SLC1A7: variants seen among roughly 807,000 people sequenced by gnomAD.
The protein encoded by SLC1A7 is solute carrier family 1 member 7.
A neutral mutation model predicts 47.7 loss-of-function variants in SLC1A7; 40 were observed. The observed-to-expected ratio is 0.84, with a 90% confidence interval of 0.65 to 1.09. SLC1A7 has a LOEUF of 1.09. Among genes scored for constraint, SLC1A7 ranks in the 50% least tolerant of loss-of-function variants. SLC1A7 has a pLI of 0.00. For synonymous variants in SLC1A7, 323 were observed against 325.6 expected (o/e 0.99, Z 0.09); for missense variants, 746 against 769.5 (o/e 0.97, Z 0.36).
chr1:53,116,984 G>A (rs1644769432), intron 2 of SLC1A7, among the ~76,000 whole-genome samples: 1 of 152,224 alleles, frequency 6.6e-6, no homozygotes, highest in Non-Finnish European at 1.5e-5. Flanking sequence ...GCACTCAAAT[G>A]GCCCCTGGAC....
Position 53,087,907 on chromosome 1 carries a change from T to A in SLC1A7, c.*102A>T. On this transcript the variant is annotated 3_prime_UTR_variant, in exon 11 of 11. Coordinates refer to ENST00000371494, the MANE Select transcript of SLC1A7 (RefSeq NM_006671.6). The stretch of plus-strand genomic sequence containing the variant: ...GCCTCTCAAGGGTGAGAAGAATGTG[T>A]GATCCTGGCCCCTGCCGGCTGCTCA... 1.7e-6 allele frequency: 1 copy of A among 575,334 alleles called. No homozygotes were observed. Among genetic ancestry groups the A allele is most frequent in the East Asian group, 3.2e-5 (1 of 30,844 alleles). The allele number at this position is 575,334 out of a possible 1,614,324, so 35.6% of individuals were successfully genotyped here. A position where few individuals can be genotyped will look rare whatever the true frequency, so the allele number is the denominator to read the frequency against.
In SLC1A7 at chr1:53,088,126, G is replaced by A. The variant is rs1268452014; in HGVS notation, c.1566C>T (p.Thr522=). ...VKSVAEASEL[T]LGPTCPHHVP... ...CGTGGTGGGGGCAGGTGGGGCCCAGGGTGAGCTCGGAGGCCTCGGCTACAC... is the reference window on the plus strand; with the variant it reads ...CGTGGTGGGGGCAGGTGGGGCCCAGAGTGAGCTCGGAGGCCTCGGCTACAC... Residue 522 remains threonine (T), a synonymous_variant, in exon 11 of 11, where the codon ACC becomes ACT. Transcript: ENST00000371494. 4.3e-6 allele frequency: 7 copies of A among 1,613,110 alleles called. No homozygotes were observed. Among genetic ancestry groups the A allele is most frequent in the African/African-American group, 1.3e-5 (1 of 74,916 alleles).
At chr1:53,109,452 G>C (rs1165379772) in intron 3 of SLC1A7, among the ~76,000 whole-genome samples, 1 of 152,174 alleles carries the variant, frequency 6.6e-6, no homozygotes, top group African/African-American at 2.4e-5. Context: ...GCGGCCCCCC[G>C]GAGCCCTGGA....
At chr1:53,115,445 C>T (rs1364278201) in intron 2 of SLC1A7, 4 of 179,918 alleles carry the variant, frequency 2.2e-5, no homozygotes, top group African/African-American at 4.7e-5. Context: ...TTCTAGGACC[C>T]CCACAGCCCC....
At chr1:53,135,855 T>C (rs1473686434) in intron 1 of SLC1A7, among the ~76,000 whole-genome samples, 1 of 151,892 alleles carries the variant, frequency 6.6e-6, no homozygotes, top group Non-Finnish European at 1.5e-5. Context: ...TCAAACATCA[T>C]CCAAGTTGAA....
intron 5 of SLC1A7, among the ~76,000 whole-genome samples, chr1:53,098,425 C>G (rs556877146): frequency 6.7e-6 from 1 of 149,050 alleles, no homozygotes; most frequent in Non-Finnish European, 1.5e-5. Context: ...ACACTCACAC[C>G]GCCTCAGTAC....
intron 3 of SLC1A7, among the ~76,000 whole-genome samples, chr1:53,109,859 G>T (rs1259356344): frequency 1.3e-5 from 2 of 152,050 alleles, no homozygotes; most frequent in Admixed American, 6.5e-5. Flanking sequence ...TTGCTTCCCA[G>T]CTCCCAGCAC....
At chr1:53,119,790 A>G (rs915702219) in intron 2 of SLC1A7, among the ~76,000 whole-genome samples, 3 of 152,150 alleles carry the variant, frequency 2.0e-5, no homozygotes, top group Non-Finnish European at 4.4e-5. Context: ...TGGATCCTGG[A>G]TGGCCACCTG....
At chr1:53,105,644 T>C in intron 4 of SLC1A7, 88 bp downstream of exon 4, 1 of 1,036,362 alleles carries the variant, frequency 9.6e-7, no homozygotes, top group Admixed American at 1.7e-5. Flanking sequence ...AGCACACCTG[T>C]CACTTCCCAG....
rs1047741 is a variant in SLC1A7 at position 53,087,397 on chromosome 1, G to A, written c.*612C>T. 0.12 allele frequency: 18,861 copies of A among 152,230 alleles called. 2,614 individuals are homozygous for A. Among genetic ancestry groups the A allele is most frequent in the African/African-American group, 0.32 (13,418 of 41,480 alleles). The allele number at this position is 152,230 out of a possible 1,614,324, so 9.4% of individuals were successfully genotyped here. A position where few individuals can be genotyped will look rare whatever the true frequency, so the allele number is the denominator to read the frequency against. On this transcript the variant is annotated 3_prime_UTR_variant, in exon 11 of 11. Coordinates refer to ENST00000371494, the MANE Select transcript of SLC1A7 (RefSeq NM_006671.6). ...AGGTTGGCCTGGATGTGTCAAGGGG[G>A]CCTTTCAGCTCTAGTAAAGACATCT... is the stretch of plus-strand genomic sequence containing the variant.
chr1:53,126,724 C>T (rs557436516), intron 2 of SLC1A7, among the ~76,000 whole-genome samples: 55 of 152,328 alleles, frequency 3.6e-4, no homozygotes, highest in African/African-American at 1.3e-3. Context: ...CAGCCAAGGA[C>T]CTCACCTCAC....
intron 1 of SLC1A7, among the ~76,000 whole-genome samples, chr1:53,138,429 C>T (rs1421318155): frequency 6.6e-6 from 1 of 152,134 alleles, no homozygotes; most frequent in Non-Finnish European, 1.5e-5. Flanking sequence ...GGTAGCTGGA[C>T]ATTGAACATT....
At chr1:53,088,514 G>A (rs2150312353) in intron 10 of SLC1A7, among the ~76,000 whole-genome samples, 1 of 152,246 alleles carries the variant, frequency 6.6e-6, no homozygotes, top group Non-Finnish European at 1.5e-5. Flanking sequence ...TCCCCATGAT[G>A]TGGGGACAGC....
intron 6 of SLC1A7, among the ~76,000 whole-genome samples, chr1:53,093,060 A>G (rs1335987321): frequency 6.6e-6 from 1 of 152,198 alleles, no homozygotes; most frequent in Non-Finnish European, 1.5e-5. Context: ...GAGTCTACAC[A>G]GTGCGCCTGG....
chr1:53,088,056 G>C lies in SLC1A7; in HGVS notation c.1636C>G (p.Leu546Val), dbSNP rs1423647678. 1 of 1,599,344 alleles carries C rather than the reference G, an allele frequency of 6.3e-7. No individual in the cohort carries two copies. Among genetic ancestry groups the C allele is most frequent in the Non-Finnish European group, 8.5e-7 (1 of 1,170,880 alleles). The change falls in exon 11 of 11, where the codon CTG becomes GTG. Residue 546 changes from leucine to valine, a missense_variant. Transcript: ENST00000371494. ...EQDEELPAASLNHCTIQISEL... is the reference protein window; with the variant it reads ...EQDEELPAASVNHCTIQISEL... ...CTGATCTGGATGGTGCAGTGGTTCAGACTCGCAGCGGGCAGCTCCTCATCC... is the reference window on the plus strand; with the variant it reads ...CTGATCTGGATGGTGCAGTGGTTCACACTCGCAGCGGGCAGCTCCTCATCC...
chr1:53,095,818 TCA>T (rs1437851708), intron 5 of SLC1A7, among the ~76,000 whole-genome samples: 1 of 141,406 alleles, frequency 7.1e-6, no homozygotes, highest in Admixed American at 7.0e-5. Context: ...CTTGGTACAC[TCA>T]CACACACTGC....
At chr1:53,132,953 A>T (rs1355736586) in intron 2 of SLC1A7, among the ~76,000 whole-genome samples, 1 of 152,186 alleles carries the variant, frequency 6.6e-6, no homozygotes, top group Non-Finnish European at 1.5e-5. Context: ...GGAGATCTCC[A>T]TCTGGGGGCA....
rs774293292 is a variant in SLC1A7, at chr1:53,089,005, T to C, written c.1362-26A>G. 1.0e-5 allele frequency: 16 copies of C among 1,583,946 alleles called. No homozygotes were observed. The Admixed American group carries it at 2.2e-4, about 21-fold the overall frequency. On this transcript the variant is annotated intron_variant, in intron 9 of 10. Transcript: ENST00000371494. ...CTGGTGAGCCAAGGTTGGGGGTGAG[T>C]GGTGGGCACTTGAAGGGGAGCTGGA...
chr1:53,092,505 G>T lies in SLC1A7; in HGVS notation c.1031+49C>A, dbSNP rs771708435. On this transcript the variant is annotated intron_variant, in intron 7 of 10. Transcript: ENST00000371494. The stretch of plus-strand genomic sequence containing the variant: ...CAATGATGGCTGGACAGACGGACAG[G>T]GCTCAGCCCCTCCCAGCTCCCCACC... 7.2e-5 allele frequency: 98 copies of T among 1,361,594 alleles called. 1 individual carries two copies. The highest frequency in any genetic ancestry group is 9.9e-5 in the Non-Finnish European group (95 of 958,972). 84.3% of individuals were successfully genotyped at this position (1,361,594 alleles called of 1,614,324 possible).
Sources: allele counts gnomAD v4.1 joint callset (sites outside exome capture counted in the v4.1 genomes callset), GRCh38; gene constraint gnomAD v4.1.1; transcripts MANE v1.5; gene names NCBI Gene and HGNC (gene_info 2026-07-23, HGNC 2026-07-21).